Variants in CSGALNACT1 observed in about 807,000 individuals in gnomAD.
CSGALNACT1 encodes the protein chondroitin sulfate N-acetylgalactosaminyltransferase 1.
A neutral mutation model predicts 51.0 loss-of-function variants in CSGALNACT1; 52 were observed. That is an observed-to-expected ratio of 1.02 (90% CI 0.82 to 1.29). CSGALNACT1 has a LOEUF of 1.29. Ranked by LOEUF, CSGALNACT1 falls within the 50% of genes most tolerant of loss-of-function variation. The pLI, the probability that CSGALNACT1 is intolerant of heterozygous loss-of-function variation, is 0.00. For synonymous variants in CSGALNACT1, 341 were observed against 254.4 expected (o/e 1.34, Z -3.24); for missense variants, 935 against 679.2 (o/e 1.38, Z -4.19).
At chr8:19,600,113 T>C (rs1312881732) in intron 2 of CSGALNACT1, among the ~76,000 whole-genome samples, 2 of 152,002 alleles carry the variant, frequency 1.3e-5, no homozygotes, top group Non-Finnish European at 2.9e-5. Context: ...AGAGACAGAG[T>C]TTGCTGTTGC....
chr8:19,615,904 A>G (rs2052934254), intron 1 of CSGALNACT1, among the ~76,000 whole-genome samples: 2 of 152,244 alleles, frequency 1.3e-5, no homozygotes, highest in Admixed American at 6.5e-5. Context: ...TTTCATTTGT[A>G]TGAAGAAGTC....
chr8:19,682,993 A>T (rs927483663), upstream of CSGALNACT1: 4 of 284,802 alleles, frequency 1.4e-5, no homozygotes, highest in Non-Finnish European at 2.8e-5. Flanking sequence ...AGGTAGAACG[A>T]GTTCACCCTG....
chr8:19,410,678 G>T (rs966437566), intron 8 of CSGALNACT1, among the ~76,000 whole-genome samples: 3 of 152,246 alleles, frequency 2.0e-5, no homozygotes, highest in Non-Finnish European at 2.9e-5. Flanking sequence ...CCTCACATGG[G>T]AACAGCGTGA....
At chr8:19,589,474 C>T (rs964091132) in intron 3 of CSGALNACT1, among the ~76,000 whole-genome samples, 5 of 152,110 alleles carry the variant, frequency 3.3e-5, no homozygotes, top group Non-Finnish European at 7.3e-5. Context: ...TACGGGAGTG[C>T]ACCACCACAT....
intron 1 of CSGALNACT1, among the ~76,000 whole-genome samples, chr8:19,681,747 G>A (rs1160518833): frequency 6.6e-6 from 1 of 152,114 alleles, no homozygotes; most frequent in African/African-American, 2.4e-5. Flanking sequence ...CCCTGCCCTG[G>A]GAATGCCAGG....
chr8:19,614,066 T>C (rs936654262), intron 1 of CSGALNACT1, among the ~76,000 whole-genome samples: 1 of 152,224 alleles, frequency 6.6e-6, no homozygotes, highest in Admixed American at 6.5e-5. Flanking sequence ...GCCTTTAATC[T>C]ACTAAAAGAA....
intron 1 of CSGALNACT1, among the ~76,000 whole-genome samples, chr8:19,735,978 G>C (rs1370056286): frequency 6.6e-6 from 1 of 152,016 alleles, no homozygotes; most frequent in Non-Finnish European, 1.5e-5. Flanking sequence ...TCAACATTTG[G>C]TAAGTTTATG....
rs2064097655 is a variant in CSGALNACT1 at position 19,738,122 on chromosome 8, G to A, written c.-297+19728C>T. ...GCACCTGTAATTCTCAGCTACTCGA[G>A]AGGCTGAAGCAAGAGGATCACTTGA... is the stretch of plus-strand genomic sequence containing the variant. On this transcript the variant is annotated intron_variant, in intron 1 of 1. Coordinates refer to the CSGALNACT1 transcript ENST00000517494. 2.0e-5 allele frequency among the ~76,000 whole-genome samples: 3 copies of A among 152,322 alleles called. No individual in the cohort carries two copies. In the South Asian group the frequency reaches 6.2e-4, roughly 32 times the overall value.
chr8:19,428,835 G>A (rs796565803), intron 6 of CSGALNACT1, among the ~76,000 whole-genome samples: 4,071 of 76,662 alleles, frequency 0.053, 117 homozygotes, highest in Middle Eastern at 0.098. Flanking sequence ...ATGTGTGTGT[G>A]TGTGTGTGTG....
chr8:19,712,304 C>T (rs941606653), intron 1 of CSGALNACT1, among the ~76,000 whole-genome samples: 12 of 152,192 alleles, frequency 7.9e-5, no homozygotes, highest in Admixed American at 4.6e-4. Flanking sequence ...GGATTACAGG[C>T]GTGAGCCACC....
At position 19,583,296 on chromosome 8, in the gene CSGALNACT1, T is replaced by C. The variant is rs143424082; in HGVS notation, c.-297+7864A>G. Among the ~76,000 whole-genome samples, 137 of 152,326 alleles carry C rather than the reference T, an allele frequency of 9.0e-4. 2 individuals are homozygous for C. Among genetic ancestry groups the C allele is most frequent in the African/African-American group, 3.1e-3 (127 of 41,582 alleles). On this transcript the variant is annotated intron_variant, in intron 3 of 9. Transcript: ENST00000454498. Reference sequence around the variant, plus strand: ...ATGTATTTATCTACAGTGATAGTACTTTTTTCTTTGTACATCTTTGAGTTA... The same window carrying C: ...ATGTATTTATCTACAGTGATAGTACCTTTTTCTTTGTACATCTTTGAGTTA...
chr8:19,482,603 C>A (rs543859535), intron 4 of CSGALNACT1, among the ~76,000 whole-genome samples: 1 of 152,288 alleles, frequency 6.6e-6, no homozygotes, highest in East Asian at 1.9e-4. Context: ...ATCCTTCTGA[C>A]TTTCTGCCTC....
intron 1 of CSGALNACT1, among the ~76,000 whole-genome samples, chr8:19,639,956 A>C (rs2056545722): frequency 6.6e-6 from 1 of 151,734 alleles, no homozygotes; most frequent in Non-Finnish European, 1.5e-5. Flanking sequence ...ATCACTGTCC[A>C]TTGCAGCCCA....
At chr8:19,619,937 C>G (rs2053600434) in intron 1 of CSGALNACT1, among the ~76,000 whole-genome samples, 1 of 152,148 alleles carries the variant, frequency 6.6e-6, no homozygotes, top group South Asian at 2.1e-4. Context: ...GGCAAATTAT[C>G]CTTCTAAATT....
intron 4 of CSGALNACT1, among the ~76,000 whole-genome samples, chr8:19,483,485 T>A (rs889564988): frequency 1.3e-5 from 2 of 152,202 alleles, no homozygotes; most frequent in Non-Finnish European, 2.9e-5. Context: ...ACCACCACTA[T>A]TGGTCCCCAC....
chr8:19,737,632 AAAG>A (rs1160787851), intron 1 of CSGALNACT1, among the ~76,000 whole-genome samples: 5 of 152,140 alleles, frequency 3.3e-5, no homozygotes, highest in African/African-American at 7.2e-5. Context: ...AAAGGAAGGA[AAAG>A]AAGGAGAGAA....
intron 4 of CSGALNACT1, among the ~76,000 whole-genome samples, chr8:19,498,229 T>C (rs1465151751): frequency 2.0e-5 from 3 of 152,128 alleles, no homozygotes; most frequent in East Asian, 1.9e-4. Flanking sequence ...GACCTGGCTT[T>C]CTCCTCCTTT....
chr8:19,473,728 T>G (rs1033064178), intron 4 of CSGALNACT1, among the ~76,000 whole-genome samples: 2 of 152,198 alleles, frequency 1.3e-5, no homozygotes, highest in Non-Finnish European at 2.9e-5. Context: ...ATCTAATTAA[T>G]TAGTGGTGGA....
chr8:19,692,433 A>G (rs535897913), intron 1 of CSGALNACT1, among the ~76,000 whole-genome samples: 4 of 152,266 alleles, frequency 2.6e-5, no homozygotes, highest in East Asian at 3.9e-4. Flanking sequence ...AGATAACACA[A>G]TGTTCTACCT....
Sources: allele counts gnomAD v4.1 joint callset (sites outside exome capture counted in the v4.1 genomes callset), GRCh38; gene constraint gnomAD v4.1.1; transcripts MANE v1.5; gene names NCBI Gene and HGNC (gene_info 2026-07-23, HGNC 2026-07-21).